FSTL5: variants seen among roughly 807,000 people sequenced by gnomAD.
FSTL5 encodes follistatin-related protein 5.
A neutral mutation model predicts 89.1 loss-of-function variants in FSTL5; 62 were observed. The observed-to-expected ratio is 0.70, with a 90% CI of 0.57 to 0.86. The LOEUF (loss-of-function observed/expected upper bound fraction) is 0.86, where lower values mean the gene tolerates loss of function less well. Ranked by LOEUF, FSTL5 falls within the 40% of genes least tolerant of loss-of-function variation. The probability of loss-of-function intolerance (pLI) is 0.00; values close to 1 mark genes in which losing one functional copy is unlikely to be tolerated. For missense variants in FSTL5, 1,057 were observed against 1,001.6 expected (o/e 1.06, Z -0.75); for synonymous variants, 383 against 346.2 (o/e 1.11, Z -1.18).
intron 6 of FSTL5, among the ~76,000 whole-genome samples, chr4:161,666,675 T>C: frequency 6.6e-6 from 1 of 151,994 alleles, no homozygotes; most frequent in East Asian, 1.9e-4. Context: ...AAGACCCCTA[T>C]ATGGGGAGAG....
At chr4:161,497,357 T>C (rs2126479702) in intron 12 of FSTL5, among the ~76,000 whole-genome samples, 1 of 152,208 alleles carries the variant, frequency 6.6e-6, no homozygotes, top group East Asian at 1.9e-4. Context: ...CCATATATTC[T>C]GTATTTAAAA....
chr4:161,739,300 T>C (rs1312791159), intron 6 of FSTL5, among the ~76,000 whole-genome samples: 1 of 152,156 alleles, frequency 6.6e-6, no homozygotes, highest in Admixed American at 6.5e-5. Context: ...CATGTGGACA[T>C]GAAGATGGCA....
At chr4:162,071,524 T>C (rs941383046) in intron 2 of FSTL5, among the ~76,000 whole-genome samples, 1 of 151,764 alleles carries the variant, frequency 6.6e-6, no homozygotes, top group African/African-American at 2.4e-5. Context: ...AAGGAAGGAA[T>C]AGACTCCAAT....
At position 161,737,367 on chromosome 4, in the gene FSTL5, G is replaced by C. The variant is rs559697917; in HGVS notation, c.727+22044C>G. 2.6e-5 allele frequency among the ~76,000 whole-genome samples: 4 copies of C among 151,912 alleles called. No homozygotes were observed. The South Asian group carries it at 8.3e-4, about 32-fold the overall frequency. ...TGCAATTGTAATGATGAGCTGAAAA[G>C]GAAATTTGATCCTATAAAATCGAGC... On this transcript the variant is annotated intron_variant, in intron 6 of 15. Transcript: ENST00000306100.
Position 161,722,573 on chromosome 4 carries a change from T to A in FSTL5, c.727+36838A>T, listed in dbSNP as rs994889753. Among the ~76,000 whole-genome samples the A allele has an allele frequency of 2.6e-5, 4 of 152,212 alleles. No homozygotes were observed. In the South Asian group the frequency reaches 8.3e-4, roughly 31 times the overall value. ...TAGCACCTTTGAATATTCTGATGTATGTAAATTGCAATGATGTATTTCCTT... is the reference window on the plus strand; with the variant it reads ...TAGCACCTTTGAATATTCTGATGTAAGTAAATTGCAATGATGTATTTCCTT... On this transcript the variant is annotated intron_variant, in intron 6 of 15. Coordinates refer to ENST00000306100, the MANE Select transcript of FSTL5 (RefSeq NM_020116.5).
chr4:161,868,439 T>C (rs1365240723), intron 4 of FSTL5, among the ~76,000 whole-genome samples: 1 of 152,178 alleles, frequency 6.6e-6, no homozygotes, highest in Admixed American at 6.5e-5. Context: ...TTTCAAGCTG[T>C]TGTTTTAGTT....
At chr4:161,718,962 G>A (rs1479042621) in intron 6 of FSTL5, among the ~76,000 whole-genome samples, 1 of 152,144 alleles carries the variant, frequency 6.6e-6, no homozygotes, top group Non-Finnish European at 1.5e-5. Flanking sequence ...TAAATGGGAA[G>A]AAGAAGCCAA....
At chr4:161,601,770 C>T (rs1344751539) in intron 7 of FSTL5, among the ~76,000 whole-genome samples, 1 of 152,076 alleles carries the variant, frequency 6.6e-6, no homozygotes, top group East Asian at 1.9e-4. Context: ...GGAATAAGTA[C>T]ATTGTAATCA....
chr4:162,079,893 A>T (rs1730022593), intron 2 of FSTL5, among the ~76,000 whole-genome samples: 1 of 151,556 alleles, frequency 6.6e-6, no homozygotes, highest in Non-Finnish European at 1.5e-5. Flanking sequence ...GTATATATAT[A>T]TAAGAAATAT....
At chr4:162,052,778 G>A (rs1738422597) in intron 2 of FSTL5, among the ~76,000 whole-genome samples, 8 of 151,786 alleles carry the variant, frequency 5.3e-5, no homozygotes, top group Admixed American at 5.3e-4. Flanking sequence ...ACACTTTTTT[G>A]TGGTGAGTAC....
chr4:161,849,399 A>G (rs951752782), intron 4 of FSTL5, among the ~76,000 whole-genome samples: 1 of 152,094 alleles, frequency 6.6e-6, no homozygotes, highest in Non-Finnish European at 1.5e-5. Context: ...CACACTGGTT[A>G]AAACTGCCGG....
chr4:161,819,121 A>C (rs1730417469), intron 4 of FSTL5, among the ~76,000 whole-genome samples: 1 of 152,146 alleles, frequency 6.6e-6, no homozygotes, highest in African/African-American at 2.4e-5. Context: ...TAATGTAATA[A>C]AATATACTAT....
At chr4:161,780,345 T>C (rs1335792420) in intron 4 of FSTL5, among the ~76,000 whole-genome samples, 1 of 152,090 alleles carries the variant, frequency 6.6e-6, no homozygotes, top group Non-Finnish European at 1.5e-5. Context: ...TTTTGTTTGC[T>C]TATATGGTTA....
chr4:161,726,909 AAAAAT>A (rs891811289), intron 6 of FSTL5, among the ~76,000 whole-genome samples: 12 of 94,592 alleles, frequency 1.3e-4, no homozygotes, highest in Non-Finnish European at 1.8e-4. Flanking sequence ...AGCAAAAAAA[AAAAAT>A]ATATATATAT....
At chr4:161,615,268 T>C (rs1428857320) in intron 7 of FSTL5, among the ~76,000 whole-genome samples, 2 of 111,176 alleles carry the variant, frequency 1.8e-5, no homozygotes, top group African/African-American at 7.3e-5. Context: ...CACTCCAGCC[T>C]GGGCAACAGA....
At chr4:162,163,467 ATAG>A (rs1288322797) in intron 1 of FSTL5, 145 bp downstream of exon 1, 1 of 139,560 alleles carries the variant, frequency 7.2e-6, no homozygotes, top group African/African-American at 2.6e-5. Flanking sequence ...AATAATAATA[ATAG>A]TAATTATTAA....
chr4:161,485,983 G>C (rs149904323), intron 12 of FSTL5, among the ~76,000 whole-genome samples: 25 of 151,486 alleles, frequency 1.7e-4, no homozygotes, highest in Admixed American at 7.9e-4. Context: ...ACCAAAAATG[G>C]AAATACAAAA....
intron 3 of FSTL5, among the ~76,000 whole-genome samples, chr4:161,985,464 TAGTTTCACC>T (rs1735939611): frequency 6.6e-6 from 1 of 152,046 alleles, no homozygotes; most frequent in African/African-American, 2.4e-5. Context: ...TAATATTACA[TAGTTTCACC>T]ATAAATCTTG....
chr4:162,047,050 A>G (rs1437978140), intron 2 of FSTL5, among the ~76,000 whole-genome samples: 2 of 152,166 alleles, frequency 1.3e-5, no homozygotes, highest in African/African-American at 4.8e-5. Flanking sequence ...ACTATACTCT[A>G]TGATATAGAA....
Sources: gnomAD v4.1 joint callset for allele counts (sites outside exome capture counted in the v4.1 genomes callset) on GRCh38, gnomAD v4.1.1 for gene constraint, MANE v1.5 for transcripts, NCBI Gene and HGNC (gene_info 2026-07-23, HGNC 2026-07-21) for gene names.